Variants in PHACTR2 observed in about 807,000 individuals in gnomAD.
PHACTR2 encodes the protein phosphatase and actin regulator 2.
Under a neutral mutation model 76.0 loss-of-function variants are expected in PHACTR2, and 30 were observed. The observed-to-expected ratio is 0.39, with a 90% CI of 0.30 to 0.54. The LOEUF (loss-of-function observed/expected upper bound fraction) is 0.54. PHACTR2 is among the 20% of genes least tolerant of loss of function. The pLI is 0.61. For synonymous variants in PHACTR2, 292 were observed against 292.5 expected (o/e 1.00, Z 0.02); for missense variants, 696 against 781.1 (o/e 0.89, Z 1.30).
chr6:143,586,324 G>A (rs762359341), intron 1 of PHACTR2, among the ~76,000 whole-genome samples: 1 of 152,182 alleles, frequency 6.6e-6, no homozygotes, highest in Non-Finnish European at 1.5e-5. Context: ...AATGAAAGAT[G>A]ATACCAACAT....
Position 143,571,109 on chromosome 6 carries a change from C to T in PHACTR2, c.217+33902C>T, listed in dbSNP as rs1376653124. 2.6e-5 allele frequency among the ~76,000 whole-genome samples: 4 copies of T among 152,136 alleles called. No individual in the cohort carries two copies. Among genetic ancestry groups the T allele is most frequent in the Admixed American group, 1.3e-4 (2 of 15,276 alleles). ...AATATCTTACAAAACTGTAGTACAA[C>T]GATGGAAATCAAGAAGGGAATGTAG... On this transcript the variant is annotated intron_variant, in intron 1 of 11. Transcript: ENST00000367584. The surrounding 1 kb of genome is among the most constrained non-coding windows in gnomAD (Gnocchi z 4.6).
rs546583512 is a variant in PHACTR2 at position 143,598,427 on chromosome 6, C to T, written c.217+61220C>T. Among the ~76,000 whole-genome samples the T allele has an allele frequency of 2.2e-4, 34 of 152,254 alleles. No individual in the cohort carries two copies. The highest frequency in any genetic ancestry group is 4.6e-4 in the Non-Finnish European group (31 of 68,020). ...CCTTCAGAACACCTTGATTTGAGCC[C>T]TACAAGATAAGACTAATTTTGGATT... On this transcript the variant is annotated intron_variant, in intron 1 of 11. Coordinates refer to the PHACTR2 transcript ENST00000367584. The surrounding 1 kb of genome is among the most constrained non-coding windows in gnomAD (Gnocchi z 4.1).
At chr6:143,594,227 C>T (rs1283977224) in intron 1 of PHACTR2, among the ~76,000 whole-genome samples, 9 of 152,206 alleles carry the variant, frequency 5.9e-5, no homozygotes, top group African/African-American at 2.2e-4. Context: ...TCTGTTTAGA[C>T]TTGGGTCCCA....
chr6:143,587,701 C>G (rs1332674656), intron 1 of PHACTR2, among the ~76,000 whole-genome samples: 1 of 152,102 alleles, frequency 6.6e-6, no homozygotes, highest in Non-Finnish European at 1.5e-5. Context: ...CATGGGAACT[C>G]TACCTGAAGG....
At chr6:143,661,562 C>CT (rs112963559) in intron 1 of PHACTR2, among the ~76,000 whole-genome samples, 1,963 of 139,528 alleles carry the variant, frequency 0.014, 48 homozygotes, top group African/African-American at 0.045. Flanking sequence ...AATTTTCTTT[C>CT]TTTTTTTTTT....
rs538024395 is a variant in PHACTR2 at position 143,764,910 on chromosome 6, C to A, written c.695-351C>A. On this transcript the variant is annotated intron_variant, in intron 5 of 12. Coordinates refer to ENST00000440869, the MANE Select transcript of PHACTR2 (RefSeq NM_001100164.2). The surrounding 1 kb of genome is among the most constrained non-coding windows in gnomAD (Gnocchi z 4.7). ...TAGCTGCTGATGTCTGTCCTTTACG[C>A]ACCATAACATTCCTTCTTGAGAGCA... Among the ~76,000 whole-genome samples, 7 of 152,274 alleles carry A rather than the reference C, an allele frequency of 4.6e-5. No homozygotes were observed. Among genetic ancestry groups the A allele is most frequent in the African/African-American group, 1.7e-4 (7 of 41,568 alleles).
At chr6:143,563,686 T>C (rs2128430121) in intron 1 of PHACTR2, among the ~76,000 whole-genome samples, 1 of 152,168 alleles carries the variant, frequency 6.6e-6, no homozygotes, top group East Asian at 1.9e-4. Flanking sequence ...GCAAGTGCTT[T>C]TTCCTAACAT....
chr6:143,792,442 C>T (rs1562309677), intron 11 of PHACTR2, among the ~76,000 whole-genome samples: 1 of 152,068 alleles, frequency 6.6e-6, no homozygotes, highest in Non-Finnish European at 1.5e-5. Context: ...TCTGGTCATT[C>T]ACCTCTCATT....
At chr6:143,564,625 C>T (rs1055742711) in intron 1 of PHACTR2, among the ~76,000 whole-genome samples, 1 of 152,096 alleles carries the variant, frequency 6.6e-6, no homozygotes, top group Admixed American at 6.5e-5. Context: ...CATGTCATGG[C>T]TGAGCTGCTG....
intron 2 of PHACTR2, among the ~76,000 whole-genome samples, chr6:143,719,627 G>A (rs1344045819): frequency 6.7e-6 from 1 of 149,362 alleles, no homozygotes; most frequent in Non-Finnish European, 1.5e-5. Flanking sequence ...TGGGATTACA[G>A]GCGTGAGCAA....
Position 143,751,721 on chromosome 6 carries a change from G to A in PHACTR2, c.296-2033G>A, listed in dbSNP as rs1442715916. On this transcript the variant is annotated intron_variant, in intron 3 of 12. Coordinates refer to ENST00000440869, the MANE Select transcript of PHACTR2 (RefSeq NM_001100164.2). The surrounding 1 kb of genome is among the most constrained non-coding windows in gnomAD (Gnocchi z 5.7). ...TGCTCTCGTGAGATGTGTTGACTTGGGCCGCTTATTGTCACCTGCCATCCA... is the reference window on the plus strand; with the variant it reads ...TGCTCTCGTGAGATGTGTTGACTTGAGCCGCTTATTGTCACCTGCCATCCA... 6.7e-6 allele frequency among the ~76,000 whole-genome samples: 1 copy of A among 149,462 alleles called. No individual in the cohort carries two copies. Among genetic ancestry groups the A allele is most frequent in the Non-Finnish European group, 1.5e-5 (1 of 67,586 alleles).
At position 143,672,359 on chromosome 6, in the gene PHACTR2, G is replaced by T. The variant is rs981830111; in HGVS notation, c.14-39657G>T. 2.0e-5 allele frequency among the ~76,000 whole-genome samples: 3 copies of T among 151,928 alleles called. No individual in the cohort carries two copies. The highest frequency in any genetic ancestry group is 7.3e-5 in the African/African-American group (3 of 41,338). ...ACCCATAGTCCCAGCTACTCTGGAG[G>T]CTGAGGTGGGAGGATTGCTTGAGCC... On this transcript the variant is annotated intron_variant, in intron 1 of 11. Transcript: ENST00000305766. The surrounding 1 kb of genome is among the most constrained non-coding windows in gnomAD (Gnocchi z 5.8).
chr6:143,742,263 G>C lies in PHACTR2; in HGVS notation c.215-6722G>C, dbSNP rs1562290081. Among the ~76,000 whole-genome samples the C allele has an allele frequency of 6.6e-6, 1 of 152,166 alleles. No homozygotes were observed. The stretch of plus-strand genomic sequence containing the variant: ...AAACCTTCAGGCGTGGTTGGATCCA[G>C]GTGCTTACAAGCTATCTCATTAAGA... On this transcript the variant is annotated intron_variant, in intron 2 of 12. Transcript: ENST00000440869. The surrounding 1 kb of genome is among the most constrained non-coding windows in gnomAD (Gnocchi z 4.5).
chr6:143,682,789 T>TG (rs1193547694), intron 1 of PHACTR2, among the ~76,000 whole-genome samples: 4 of 138,194 alleles, frequency 2.9e-5, no homozygotes, highest in Non-Finnish European at 6.6e-5. Context: ...TTTTGTTTTT[T>TG]GTTTTTTTTT....
At chr6:143,704,817 C>G (rs1467873550) in intron 1 of PHACTR2, among the ~76,000 whole-genome samples, 3 of 152,060 alleles carry the variant, frequency 2.0e-5, no homozygotes, top group Non-Finnish European at 4.4e-5. Flanking sequence ...TTTGAATGAC[C>G]TTGGCAGTTT....
chr6:143,552,351 G>C (rs1182139016), intron 1 of PHACTR2, among the ~76,000 whole-genome samples: 1 of 152,172 alleles, frequency 6.6e-6, no homozygotes, highest in East Asian at 1.9e-4. Context: ...CATTTCTGAT[G>C]AAGTTCTAAG....
Position 143,806,624 on chromosome 6 carries a change from T to G in PHACTR2, c.1846-433T>G, listed in dbSNP as rs1776072382. Among the ~76,000 whole-genome samples, 1 of 152,174 alleles carries G rather than the reference T, an allele frequency of 6.6e-6. No homozygotes were observed. The highest frequency in any genetic ancestry group is 6.5e-5 in the Admixed American group (1 of 15,272). On this transcript the variant is annotated intron_variant, in intron 11 of 12. Coordinates refer to ENST00000440869, the MANE Select transcript of PHACTR2 (RefSeq NM_001100164.2). The surrounding 1 kb of genome is among the most constrained non-coding windows in gnomAD (Gnocchi z 5.8). ...GAAGGAAGTCTATCATGGTTTTAGT[T>G]TGGCTATAGTATGATATTATATTTA... is the stretch of plus-strand genomic sequence containing the variant.
At chr6:143,703,174 AAAAGAACAGGT>A (rs1388030677) in intron 1 of PHACTR2, among the ~76,000 whole-genome samples, 7 of 151,154 alleles carry the variant, frequency 4.6e-5, no homozygotes, top group Admixed American at 2.6e-4. Context: ...AAAAAAAAAA[AAAAGAACAGGT>A]AACACAAATC....
intron 12 of PHACTR2, among the ~76,000 whole-genome samples, chr6:143,812,027 TAA>T: frequency 6.6e-6 from 1 of 152,298 alleles, no homozygotes; most frequent in East Asian, 1.9e-4. Flanking sequence ...TTATACCAAG[TAA>T]GGCTTCCCTT....
Sources: allele counts gnomAD v4.1 joint callset (sites outside exome capture counted in the v4.1 genomes callset), GRCh38; gene constraint gnomAD v4.1.1; non-coding constraint Gnocchi (gnomAD v3.1); transcripts MANE v1.5; gene names NCBI Gene and HGNC (gene_info 2026-07-23, HGNC 2026-07-21).